Variants in EXTL3 observed in about 807,000 individuals in gnomAD.
EXTL3 encodes the protein exostosin-like 3.
A neutral mutation model predicts 69.3 loss-of-function variants in EXTL3; 27 were observed. The observed-to-expected ratio is 0.39, with a 90% confidence interval of 0.29 to 0.54. The LOEUF (loss-of-function observed/expected upper bound fraction) is 0.54. Among genes scored for constraint, EXTL3 ranks in the 20% least tolerant of loss-of-function variants. The pLI, the probability that EXTL3 is intolerant of heterozygous loss-of-function variation, is 0.69. For synonymous variants in EXTL3, 511 were observed against 499.4 expected, an observed-to-expected ratio of 1.02 and a Z score of -0.31; for missense variants, 1,003 against 1,231.8, an observed-to-expected ratio of 0.81 and a Z score of 2.78.
chr8:28,630,392 A>G (rs1806555085), intron 1 of EXTL3, among the ~76,000 whole-genome samples: 1 of 152,100 alleles, frequency 6.6e-6, no homozygotes, highest in Non-Finnish European at 1.5e-5. Context: ...TGTCTTTATT[A>G]GCAGTACTAA....
At chr8:28,701,172 GC>G (rs956803412), upstream of EXTL3, 2 of 152,254 alleles carry the variant, frequency 1.3e-5, no homozygotes, top group Admixed American at 1.3e-4. Flanking sequence ...CCCTGCGGAA[GC>G]GGCGGTGGCT....
At chr8:28,618,762 C>T (rs1263144137), upstream of EXTL3, among the ~76,000 whole-genome samples, 1 of 151,964 alleles carries the variant, frequency 6.6e-6, no homozygotes, top group Non-Finnish European at 1.5e-5. Context: ...TCCCCAGCGG[C>T]CCCTAGTGCC....
At chr8:28,646,296 AC>A (rs1806829346) in intron 1 of EXTL3, among the ~76,000 whole-genome samples, 8 of 152,252 alleles carry the variant, frequency 5.3e-5, no homozygotes, top group Admixed American at 5.2e-4. Flanking sequence ...GAAAAGGAAC[AC>A]ATTTCTTTTA....
Position 28,615,866 on chromosome 8 carries a change from G to A in EXTL3, n.314+8108G>A, listed in dbSNP as rs563665614. Reference sequence around the variant, plus strand: ...TGGGATTACAGGCTTTAGCCACCATGTCCGGCCTGCAGCTTTCTTTTGATT... The same window carrying A: ...TGGGATTACAGGCTTTAGCCACCATATCCGGCCTGCAGCTTTCTTTTGATT... On this transcript the variant is annotated intron_variant and non_coding_transcript_variant, in intron 2 of 4. Transcript: ENST00000522725. Among the ~76,000 whole-genome samples the A allele has an allele frequency of 3.9e-5, 6 of 152,134 alleles. No homozygotes were observed. In the East Asian group the frequency reaches 9.7e-4, roughly 25 times the overall value.
intron 1 of EXTL3, among the ~76,000 whole-genome samples, chr8:28,694,646 G>T (rs566590535): frequency 6.6e-6 from 1 of 152,130 alleles, no homozygotes; most frequent in South Asian, 2.1e-4. Flanking sequence ...ACTAATAATG[G>T]TCCTTATTGT....
intron 2 of EXTL3, among the ~76,000 whole-genome samples, chr8:28,715,272 T>A (rs1197013726): frequency 6.6e-6 from 1 of 152,182 alleles, no homozygotes; most frequent in East Asian, 1.9e-4. Context: ...ACCATGGACA[T>A]CTTTGTCCCA....
intron 1 of EXTL3, among the ~76,000 whole-genome samples, chr8:28,687,090 G>GGA (rs1807589906): frequency 6.6e-6 from 1 of 152,148 alleles, no homozygotes; most frequent in African/African-American, 2.4e-5. Context: ...GGAGATATAA[G>GGA]GATAACAACT....
intron 1 of EXTL3, among the ~76,000 whole-genome samples, chr8:28,635,444 G>A (rs990347580): frequency 2.8e-4 from 41 of 148,738 alleles, no homozygotes; most frequent in African/African-American, 9.9e-4. Flanking sequence ...GCTCACACCT[G>A]TAATCCCAGC....
intron 2 of EXTL3, among the ~76,000 whole-genome samples, chr8:28,715,182 CAT>C (rs1447217420): frequency 6.6e-6 from 1 of 152,082 alleles, no homozygotes; most frequent in Non-Finnish European, 1.5e-5. Flanking sequence ...TAGGAATAAA[CAT>C]AAACTACCCA....
At chr8:28,645,921 G>A (rs116740698) in intron 1 of EXTL3, among the ~76,000 whole-genome samples, 1,719 of 151,836 alleles carry the variant, frequency 0.011, 42 homozygotes, top group African/African-American at 0.039. Context: ...GGAGTGTGGT[G>A]TTGTGATCAT....
intron 1 of EXTL3, among the ~76,000 whole-genome samples, chr8:28,639,293 G>A (rs953874900): frequency 5.9e-5 from 9 of 152,022 alleles, no homozygotes; most frequent in Admixed American, 2.0e-4. Flanking sequence ...GTCCAGTCCC[G>A]GGTTCTCAAT....
intron 1 of EXTL3, among the ~76,000 whole-genome samples, chr8:28,625,260 T>G (rs1806473500): frequency 6.6e-6 from 1 of 152,110 alleles, no homozygotes; most frequent in Non-Finnish European, 1.5e-5. Flanking sequence ...CATCAAGACC[T>G]CAGAAGTAGG....
chr8:28,667,430 CA>C (rs1807214201), intron 1 of EXTL3, among the ~76,000 whole-genome samples: 1 of 152,208 alleles, frequency 6.6e-6, no homozygotes, highest in South Asian at 2.1e-4. Flanking sequence ...CTCCTTCATT[CA>C]AGGTACTGTG....
At chr8:28,702,771 T>C (rs185712253) in intron 1 of EXTL3, among the ~76,000 whole-genome samples, 9 of 152,302 alleles carry the variant, frequency 5.9e-5, no homozygotes, top group Non-Finnish European at 1.2e-4. Context: ...TCCTATTCTT[T>C]GTCCAATTTA....
chr8:28,689,659 A>G (rs1201461857), intron 1 of EXTL3, among the ~76,000 whole-genome samples: 1 of 152,288 alleles, frequency 6.6e-6, no homozygotes, highest in East Asian at 1.9e-4. Context: ...GTTGTCTTCT[A>G]TTTTCTTAGT....
At chr8:28,737,331 A>C (rs138775995) in intron 4 of EXTL3, among the ~76,000 whole-genome samples, 188 bp from the exon 5 acceptor site, 1 of 152,300 alleles carries the variant, frequency 6.6e-6, no homozygotes, top group East Asian at 1.9e-4. Context: ...TTATTAAGGA[A>C]GCTGAATATG....
intron 1 of EXTL3, among the ~76,000 whole-genome samples, chr8:28,663,744 G>A (rs549673789): frequency 8.2e-4 from 125 of 152,204 alleles, no homozygotes; most frequent in African/African-American, 2.9e-3. Flanking sequence ...GAGCCACTGT[G>A]CCTGGCCTGA....
chr8:28,703,801 A>G (rs908955257), intron 1 of EXTL3, among the ~76,000 whole-genome samples: 2 of 152,240 alleles, frequency 1.3e-5, no homozygotes, highest in African/African-American at 4.8e-5. Flanking sequence ...TTCGCTGGTT[A>G]TTAAGTTTAG....
At chr8:28,712,892 T>G (rs1801059800) in intron 1 of EXTL3, among the ~76,000 whole-genome samples, 1 of 152,216 alleles carries the variant, frequency 6.6e-6, no homozygotes, top group South Asian at 2.1e-4. Context: ...TAACCTCTGT[T>G]TAGACTCTGT....
Sources: allele counts gnomAD v4.1 joint callset (sites outside exome capture counted in the v4.1 genomes callset), GRCh38; gene constraint gnomAD v4.1.1; transcripts MANE v1.5; gene names NCBI Gene and HGNC (gene_info 2026-07-23, HGNC 2026-07-21).